Variants in RPS6KB1 observed in about 807,000 individuals in gnomAD.
RPS6KB1 encodes ribosomal protein S6 kinase beta-1.
In RPS6KB1, 12 loss-of-function variants were observed where a neutral mutation model predicts 70.2. The observed-to-expected ratio is 0.17, with a 90% confidence interval of 0.11 to 0.28. The LOEUF is 0.28. RPS6KB1 is among the 10% of genes least tolerant of loss of function. The pLI is 1.00. For missense variants in RPS6KB1, 270 were observed against 646.6 expected (o/e 0.42, Z 6.32); for synonymous variants, 175 against 211.2 (o/e 0.83, Z 1.49).
intron 13 of RPS6KB1, 69 bp downstream of exon 13, chr17:59,941,012 C>A: frequency 3.1e-6 from 3 of 965,518 alleles, no homozygotes; most frequent in Non-Finnish European, 4.8e-6. Flanking sequence ...AAAGAAAATT[C>A]AGTTTGCTTG....
chr17:59,893,709 G>A lies in RPS6KB1; in HGVS notation c.141+384G>A. 2 of 908,800 alleles carry A rather than the reference G, an allele frequency of 2.2e-6. No homozygotes were observed. The highest frequency in any genetic ancestry group is 1.8e-5 in the African/African-American group (1 of 56,010). The allele number at this position is 908,800 out of a possible 1,614,324, so 56.3% of individuals were successfully genotyped here. Reference sequence around the variant, plus strand: ...CGTAAGTGCAGGCGAAGTGTGGAGGGTTTCCCTTCGAGTCTAGAATTTCAA... The same window carrying A: ...CGTAAGTGCAGGCGAAGTGTGGAGGATTTCCCTTCGAGTCTAGAATTTCAA... On this transcript the variant is annotated intron_variant, in intron 1 of 14. Coordinates refer to ENST00000225577, the MANE Select transcript of RPS6KB1 (RefSeq NM_003161.4). The surrounding 1 kb of genome is among the most constrained non-coding windows in gnomAD (Gnocchi z 4.1).
intron 12 of RPS6KB1, among the ~76,000 whole-genome samples, chr17:59,940,498 G>C (rs1171158761): frequency 6.6e-6 from 1 of 151,830 alleles, no homozygotes; most frequent in Admixed American, 6.6e-5. Flanking sequence ...ATTTTGGCCA[G>C]GCTGGTCTCA....
rs111892813 is a variant in RPS6KB1, at chr17:59,918,912, A to G, written c.381+4209A>G. ...AGTGGCACAGTCTCGGCTCACTGCA[A>G]TTTCCACCTCCTGGGTTCAAGCGAT... On this transcript the variant is annotated intron_variant, in intron 4 of 14. Transcript: ENST00000225577. Among the ~76,000 whole-genome samples the G allele has an allele frequency of 8.9e-3, 1,322 of 148,382 alleles. 23 individuals carry two copies. The highest frequency in any genetic ancestry group is 0.031 in the African/African-American group (1,257 of 40,142).
chr17:59,930,752 T>C (rs1664927795), intron 6 of RPS6KB1: 1 of 151,704 alleles, frequency 6.6e-6, no homozygotes, highest in Admixed American at 6.5e-5. Context: ...ACTTAAATGT[T>C]TTTTTCTACC....
At chr17:59,932,847 C>G (rs2044007140) in intron 7 of RPS6KB1, among the ~76,000 whole-genome samples, 1 of 152,154 alleles carries the variant, frequency 6.6e-6, no homozygotes, top group African/African-American at 2.4e-5. Flanking sequence ...CCCACCTTCC[C>G]CCCAGCCAGA....
Position 59,947,785 on chromosome 17 carries a change from C to T in RPS6KB1, c.*997C>T. 1 of 536,524 alleles carries T rather than the reference C, an allele frequency of 1.9e-6. No individual in the cohort carries two copies. The highest frequency in any genetic ancestry group is 3.0e-5 in the South Asian group (1 of 33,564). 33.2% of individuals were successfully genotyped at this position (536,524 alleles called of 1,614,324 possible). On this transcript the variant is annotated 3_prime_UTR_variant, in exon 15 of 15. Transcript: ENST00000225577. ...CAGAAGAGAGTCAGGATAAAAAATA[C>T]ATACTGTGGTCGGCAAGGTGAGGGA...
At chr17:59,928,193 A>G (rs909470171) in intron 5 of RPS6KB1, among the ~76,000 whole-genome samples, 6 of 151,800 alleles carry the variant, frequency 4.0e-5, no homozygotes, top group Non-Finnish European at 7.4e-5. Flanking sequence ...GAATTCCTAT[A>G]TATTTCTCAC....
At chr17:59,910,020 T>A (rs1296916063) in intron 1 of RPS6KB1, among the ~76,000 whole-genome samples, 2 of 148,112 alleles carry the variant, frequency 1.4e-5, no homozygotes, top group Non-Finnish European at 3.0e-5. Flanking sequence ...TCAAAAAATA[T>A]ATATATATAC....
intron 9 of RPS6KB1, 50 bp from the exon 10 acceptor site, chr17:59,935,143 T>C (rs749587493): frequency 8.8e-7 from 1 of 1,135,136 alleles, no homozygotes; most frequent in Non-Finnish European, 1.3e-6. Context: ...TCTTATATGC[T>C]AATATTTTTC....
chr17:59,915,681 G>GTC (rs1156831082), intron 4 of RPS6KB1, among the ~76,000 whole-genome samples: 1 of 149,360 alleles, frequency 6.7e-6, no homozygotes, highest in Non-Finnish European at 1.5e-5. Flanking sequence ...GGCCAGGCTG[G>GTC]TCTCGAACTC....
At chr17:59,915,269 A>G (rs1201259412) in intron 4 of RPS6KB1, among the ~76,000 whole-genome samples, 1 of 152,162 alleles carries the variant, frequency 6.6e-6, no homozygotes, top group Non-Finnish European at 1.5e-5. Context: ...GATTACAGGC[A>G]TGAGCCACCG....
Position 59,894,965 on chromosome 17 carries a change from G to A in RPS6KB1, c.141+1640G>A, listed in dbSNP as rs537468989. On this transcript the variant is annotated intron_variant, in intron 1 of 14. Transcript: ENST00000225577. ...CAAAATCACACGGTTTAGAAAGTGG[G>A]TATTGAGTTGTGTGCTTTTTCTTTT... Among the ~76,000 whole-genome samples, 6 of 148,184 alleles carry A rather than the reference G, an allele frequency of 4.0e-5. No individual in the cohort carries two copies. In the South Asian group the frequency reaches 1.1e-3, roughly 27 times the overall value.
At chr17:59,913,295 C>T (rs771434630) in intron 3 of RPS6KB1, among the ~76,000 whole-genome samples, 2 of 152,156 alleles carry the variant, frequency 1.3e-5, no homozygotes, top group South Asian at 2.1e-4. Flanking sequence ...CAACTTAAGA[C>T]GTCACTTTTA....
At chr17:59,905,093 T>G (rs574860631) in intron 1 of RPS6KB1, among the ~76,000 whole-genome samples, 97 of 152,178 alleles carry the variant, frequency 6.4e-4, no homozygotes, top group Non-Finnish European at 1.2e-3. Flanking sequence ...TTTGGCTCAC[T>G]GCAGCCTTGA....
At chr17:59,932,755 G>C (rs1460917468) in intron 7 of RPS6KB1, among the ~76,000 whole-genome samples, 1 of 152,136 alleles carries the variant, frequency 6.6e-6, no homozygotes, top group South Asian at 2.1e-4. Flanking sequence ...GTTTCATCAT[G>C]TTGCCCAGGG....
At chr17:59,943,886 A>T (rs1216953883) in intron 13 of RPS6KB1, among the ~76,000 whole-genome samples, 1 of 127,052 alleles carries the variant, frequency 7.9e-6, no homozygotes, top group East Asian at 2.4e-4. Flanking sequence ...AAAAAAAAAA[A>T]AAATTATATA....
chr17:59,929,078 A>T (rs188584869), intron 5 of RPS6KB1, among the ~76,000 whole-genome samples: 1 of 150,942 alleles, frequency 6.6e-6, no homozygotes, highest in Non-Finnish European at 1.5e-5. Context: ...TCTTTTGAGG[A>T]GATACTTTGA....
chr17:59,926,921 TACTG>T (rs747271246), intron 5 of RPS6KB1, among the ~76,000 whole-genome samples: 5 of 152,326 alleles, frequency 3.3e-5, no homozygotes, highest in Non-Finnish European at 5.9e-5. Context: ...TTATTTAACA[TACTG>T]ACTATTTTTG....
chr17:59,912,487 A>G, intron 2 of RPS6KB1, 197 bp from the exon 3 acceptor site: 1 of 496,638 alleles, frequency 2.0e-6, no homozygotes, highest in East Asian at 3.3e-5. Flanking sequence ...TTCTATGAAC[A>G]AGGAGGCAAA....
Sources: allele counts gnomAD v4.1 joint callset (sites outside exome capture counted in the v4.1 genomes callset), GRCh38; gene constraint gnomAD v4.1.1; non-coding constraint Gnocchi (gnomAD v3.1); transcripts MANE v1.5; gene names NCBI Gene and HGNC (gene_info 2026-07-23, HGNC 2026-07-21).